Variants in VPS41 observed in about 807,000 individuals in gnomAD.
VPS41 encodes VPS41 subunit of HOPS complex.
In VPS41, 85 loss-of-function variants were observed where a neutral mutation model predicts 130.9. The observed-to-expected ratio is 0.65, with a 90% confidence interval of 0.55 to 0.78. VPS41 has a LOEUF of 0.78. Among genes scored for constraint, VPS41 ranks in the 30% least tolerant of loss-of-function variants. The pLI is 0.00. For missense variants in VPS41, 874 were observed against 1,018.7 expected, an observed-to-expected ratio of 0.86 and a Z score of 1.93; for synonymous variants, 335 against 332.9, an observed-to-expected ratio of 1.01 and a Z score of -0.07.
chr7:38,872,160 G>T (rs1786379204), intron 2 of VPS41, among the ~76,000 whole-genome samples: 1 of 152,180 alleles, frequency 6.6e-6, no homozygotes, highest in South Asian at 2.1e-4. Context: ...TCAATCAAAT[G>T]GCTGGCAAGT....
chr7:38,884,413 T>G (rs1055698297), intron 2 of VPS41, among the ~76,000 whole-genome samples: 2 of 152,344 alleles, frequency 1.3e-5, no homozygotes, highest in African/African-American at 4.8e-5. Context: ...AACTCCTAAC[T>G]GGTATTTGGA....
intron 27 of VPS41, 45 bp from the exon 28 acceptor site, chr7:38,727,033 C>T (rs185445941): frequency 4.2e-5 from 61 of 1,452,642 alleles, no homozygotes; most frequent in Non-Finnish European, 5.4e-5. Flanking sequence ...ATGCAACAAG[C>T]AAGATCATTT....
intron 21 of VPS41, 117 bp from the exon 22 acceptor site, chr7:38,752,430 T>C (rs913380841): frequency 8.0e-7 from 1 of 1,248,740 alleles, no homozygotes; most frequent in Non-Finnish European, 1.1e-6. Context: ...AGAAGCAGTC[T>C]TCAGGGAAAA....
At chr7:38,888,542 T>C (rs1478485037) in intron 2 of VPS41, among the ~76,000 whole-genome samples, 1 of 152,158 alleles carries the variant, frequency 6.6e-6, no homozygotes, top group Non-Finnish European at 1.5e-5. Context: ...CTTAGAGACC[T>C]ACAAAGAGAC....
At chr7:38,784,370 G>A (rs1784401124) in intron 10 of VPS41, among the ~76,000 whole-genome samples, 1 of 152,188 alleles carries the variant, frequency 6.6e-6, no homozygotes, top group African/African-American at 2.4e-5. Context: ...GGGTATGGTG[G>A]CTCACGCCTG....
In VPS41 at chr7:38,756,873, C is replaced by A. The variant is rs746068077; in HGVS notation, c.1660G>T (p.Asp554Tyr). The change falls in exon 19 of 29, where the codon GAT (aspartate) becomes TAT (tyrosine). Residue 554 changes from aspartate to tyrosine, a missense_variant. Asp to Tyr is a radical substitution (Grantham distance 160). Coordinates refer to ENST00000310301, the MANE Select transcript of VPS41 (RefSeq NM_014396.4). ...HKHNLFSSIK[D>Y]KIVLLMDFDS... ...AAATCCATTAATAAAACAATTTTATCCTTGATAGAACTGAAAAGATTATGC... is the reference window on the plus strand; with the variant it reads ...AAATCCATTAATAAAACAATTTTATACTTGATAGAACTGAAAAGATTATGC... 3 of 1,590,212 alleles carry A rather than the reference C, an allele frequency of 1.9e-6. No homozygotes were observed. The highest frequency in any genetic ancestry group is 2.2e-5 in the East Asian group (1 of 44,482).
At chr7:38,841,365 A>G (rs554476303) in intron 4 of VPS41, among the ~76,000 whole-genome samples, 1 of 152,352 alleles carries the variant, frequency 6.6e-6, no homozygotes, top group East Asian at 1.9e-4. Context: ...CATCCAAGGT[A>G]TACAAAGGAA....
chr7:38,859,914 G>T (rs1421764943), intron 4 of VPS41, among the ~76,000 whole-genome samples: 2 of 152,132 alleles, frequency 1.3e-5, no homozygotes, highest in Non-Finnish European at 2.9e-5. Flanking sequence ...GCTATATCTA[G>T]AAATAATCTC....
At chr7:38,866,135 C>A (rs1786223947) in intron 3 of VPS41, among the ~76,000 whole-genome samples, 1 of 152,116 alleles carries the variant, frequency 6.6e-6, no homozygotes, top group Non-Finnish European at 1.5e-5. Flanking sequence ...ATAGAAACAG[C>A]CAAGTGTTGT....
chr7:38,751,064 C>T (rs1296809311), intron 22 of VPS41, among the ~76,000 whole-genome samples: 2 of 152,102 alleles, frequency 1.3e-5, no homozygotes, highest in South Asian at 2.1e-4. Context: ...TGTCTTAGGG[C>T]CCCAAATATA....
intron 3 of VPS41, among the ~76,000 whole-genome samples, chr7:38,867,615 A>G (rs891146265): frequency 1.3e-5 from 2 of 152,154 alleles, no homozygotes; most frequent in African/African-American, 4.8e-5. Flanking sequence ...TGTGAAAAAG[A>G]GGTCAGGAAT....
Position 38,754,965 on chromosome 7 carries a change from A to G in VPS41, c.1696-29T>C, listed in dbSNP as rs1207371733. 4 of 1,608,632 alleles carry G rather than the reference A, an allele frequency of 2.5e-6. No individual in the cohort carries two copies. The South Asian group carries it at 3.3e-5, about 13-fold the overall frequency. ...AAACATATAAGAAAAGCCACAGTCA[A>G]TGAAATCCGTTATTTAAGAAGAGAA... On this transcript the variant is annotated intron_variant, in intron 19 of 28. Coordinates refer to ENST00000310301, the MANE Select transcript of VPS41 (RefSeq NM_014396.4).
intron 7 of VPS41, among the ~76,000 whole-genome samples, chr7:38,809,397 C>T (rs1298484367): frequency 6.7e-6 from 1 of 148,342 alleles, no homozygotes; most frequent in African/African-American, 2.5e-5. Context: ...AATTATACCT[C>T]AATAAAGCTA....
intron 27 of VPS41, among the ~76,000 whole-genome samples, chr7:38,727,703 C>T (rs1041174493): frequency 2.0e-5 from 3 of 152,196 alleles, no homozygotes; most frequent in Non-Finnish European, 2.9e-5. Flanking sequence ...AACAACTTCT[C>T]ATGGACTGCC....
intron 2 of VPS41, among the ~76,000 whole-genome samples, chr7:38,886,935 C>T (rs1173354618): frequency 1.3e-5 from 2 of 152,108 alleles, no homozygotes; most frequent in African/African-American, 4.8e-5. Flanking sequence ...AGCTGAGGGG[C>T]CTGTCTGTTA....
At chr7:38,877,609 C>T (rs1310440365) in intron 2 of VPS41, among the ~76,000 whole-genome samples, 1 of 152,088 alleles carries the variant, frequency 6.6e-6, no homozygotes, top group Non-Finnish European at 1.5e-5. Flanking sequence ...CGAGCATTTC[C>T]AATTGCACAT....
chr7:38,842,903 T>A (rs1785637989), intron 4 of VPS41, among the ~76,000 whole-genome samples: 1 of 152,166 alleles, frequency 6.6e-6, no homozygotes, highest in Non-Finnish European at 1.5e-5. Context: ...CACTTAATTG[T>A]GAGCCCATGA....
At chr7:38,780,218 C>T (rs1784332576) in intron 10 of VPS41, among the ~76,000 whole-genome samples, 1 of 139,434 alleles carries the variant, frequency 7.2e-6, no homozygotes, top group Admixed American at 7.5e-5. Context: ...AAAATGCAGG[C>T]AGAGTTCCTA....
intron 23 of VPS41, among the ~76,000 whole-genome samples, chr7:38,744,576 G>A (rs541912667): frequency 6.6e-6 from 1 of 152,218 alleles, no homozygotes; most frequent in East Asian, 1.9e-4. Flanking sequence ...GTCCTCTACT[G>A]CTTCTAAGAC....
Sources: allele counts gnomAD v4.1 joint callset (sites outside exome capture counted in the v4.1 genomes callset), GRCh38; gene constraint gnomAD v4.1.1; transcripts MANE v1.5; gene names NCBI Gene and HGNC (gene_info 2026-07-23, HGNC 2026-07-21).